Variants in GUCY1A2 observed in about 807,000 individuals in gnomAD.
GUCY1A2 encodes the protein guanylate cyclase soluble subunit alpha-2.
A neutral mutation model predicts 63.5 loss-of-function variants in GUCY1A2; 27 were observed. The observed-to-expected ratio is 0.43, with a 90% CI of 0.31 to 0.59. The LOEUF (loss-of-function observed/expected upper bound fraction) is 0.59, where lower values mean the gene tolerates loss of function less well. Among genes scored for constraint, GUCY1A2 ranks in the 20% least tolerant of loss-of-function variants. GUCY1A2 has a pLI of 0.11. For missense variants in GUCY1A2, 768 were observed against 913.3 expected, an observed-to-expected ratio of 0.84 and a Z score of 2.05; for synonymous variants, 364 against 343.5, an observed-to-expected ratio of 1.06 and a Z score of -0.66.
At chr11:106,738,850 G>T (rs1863637531) in intron 6 of GUCY1A2, among the ~76,000 whole-genome samples, 1 of 152,034 alleles carries the variant, frequency 6.6e-6, no homozygotes, top group South Asian at 2.1e-4. Context: ...AGTTCTTTTT[G>T]CTTGGGATTG....
At chr11:106,970,819 G>A (rs986483797) in intron 3 of GUCY1A2, among the ~76,000 whole-genome samples, 3 of 151,654 alleles carry the variant, frequency 2.0e-5, no homozygotes, top group Non-Finnish European at 4.4e-5. Context: ...AAGGAACCAA[G>A]GTATCCTTCA....
Position 106,706,571 on chromosome 11 carries a change from A to G in GUCY1A2, c.1991+1941T>C, listed in dbSNP as rs556726828. ...TTTTTTTTTTTTTTAATACATCACT[A>G]TGTAAACAAAGCCAGCTACTGTTAT... is the stretch of plus-strand genomic sequence containing the variant. On this transcript the variant is annotated intron_variant, in intron 7 of 7. Coordinates refer to ENST00000526355, the MANE Select transcript of GUCY1A2 (RefSeq NM_000855.3). 6.6e-5 allele frequency among the ~76,000 whole-genome samples: 10 copies of G among 150,858 alleles called. No individual in the cohort carries two copies. In the South Asian group the frequency reaches 1.3e-3, roughly 19 times the overall value.
At chr11:106,824,214 A>C (rs1858937979) in intron 4 of GUCY1A2, 1 of 1,202,924 alleles carries the variant, frequency 8.3e-7, no homozygotes, top group Admixed American at 3.7e-5. Flanking sequence ...AGTTTTATAT[A>C]TTTTAAAAAG....
chr11:106,825,417 A>T (rs914214802), intron 4 of GUCY1A2, among the ~76,000 whole-genome samples: 3 of 151,242 alleles, frequency 2.0e-5, no homozygotes, highest in South Asian at 2.1e-4. Context: ...TGGGCCTCAC[A>T]TAAAATATGC....
chr11:106,885,954 C>G (rs927084421), intron 4 of GUCY1A2, among the ~76,000 whole-genome samples: 3 of 152,074 alleles, frequency 2.0e-5, no homozygotes, highest in Non-Finnish European at 2.9e-5. Flanking sequence ...CCTACACATA[C>G]AGAGAGAGAC....
At chr11:106,816,167 T>TA (rs60263721) in intron 4 of GUCY1A2, among the ~76,000 whole-genome samples, 8,432 of 91,880 alleles carry the variant, frequency 0.092, 351 homozygotes, top group Middle Eastern at 0.16. Context: ...ACTCTTTCTT[T>TA]AAAAAAAAAA....
intron 5 of GUCY1A2, among the ~76,000 whole-genome samples, chr11:106,796,225 GAAT>G (rs1286476670): frequency 1.3e-4 from 20 of 152,138 alleles, no homozygotes; most frequent in Non-Finnish European, 2.9e-5. Flanking sequence ...TGGGTCTCCT[GAAT>G]ACAGCACACT....
chr11:106,914,414 T>C (rs949326984), intron 4 of GUCY1A2, among the ~76,000 whole-genome samples: 1 of 152,144 alleles, frequency 6.6e-6, no homozygotes, highest in African/African-American at 2.4e-5. Context: ...CAAATGGTGA[T>C]AACAGCCAAG....
At position 106,939,756 on chromosome 11, in the gene GUCY1A2, T is replaced by A; in HGVS notation, c.910A>T (p.Asn304Tyr). Residue 304 changes from asparagine (N) to tyrosine (Y), a missense_variant, in exon 4 of 8, where the codon AAC (asparagine) becomes TAC (tyrosine). Coordinates refer to ENST00000526355, the MANE Select transcript of GUCY1A2 (RefSeq NM_000855.3). The stretch of plus-strand genomic sequence containing the variant: ...ACTTGGGAGGTTCCCTGTGGAAGGT[T>A]CTTCATGATATTAGTATTTTCACAT... ...KECENTNIMK[N>Y]LPQGTSQVPA... 6.2e-7 allele frequency: 1 copy of A among 1,614,084 alleles called. No individual in the cohort carries two copies. The highest frequency in any genetic ancestry group is 8.5e-7 in the Non-Finnish European group (1 of 1,179,940).
At chr11:106,973,082 G>C (rs1861216610) in intron 3 of GUCY1A2, among the ~76,000 whole-genome samples, 2 of 152,190 alleles carry the variant, frequency 1.3e-5, no homozygotes, top group African/African-American at 4.8e-5. Context: ...TATGTAAGCA[G>C]AGAGCAGAAT....
At chr11:106,762,972 A>G (rs988184472) in intron 6 of GUCY1A2, among the ~76,000 whole-genome samples, 1 of 152,108 alleles carries the variant, frequency 6.6e-6, no homozygotes. Flanking sequence ...CTGTGAACCA[A>G]ATATATAAGT....
chr11:106,817,995 T>G (rs945428924), intron 4 of GUCY1A2, among the ~76,000 whole-genome samples: 1 of 152,134 alleles, frequency 6.6e-6, no homozygotes, highest in African/African-American at 2.4e-5. Flanking sequence ...CTACTGAGTA[T>G]ATATTTAAAA....
rs977412062 is a variant in GUCY1A2, at chr11:106,710,024, A to G, written c.1837-1358T>C. Among the ~76,000 whole-genome samples, 10 of 86,344 alleles carry G rather than the reference A, an allele frequency of 1.2e-4. No homozygotes were observed. In the East Asian group the frequency reaches 1.9e-3, roughly 16 times the overall value. 56.6% of individuals were successfully genotyped at this position (86,344 alleles called of 152,430 possible). A position where few individuals can be genotyped will look rare whatever the true frequency, so the allele number is the denominator to read the frequency against. On this transcript the variant is annotated intron_variant, in intron 6 of 7. Coordinates refer to ENST00000526355, the MANE Select transcript of GUCY1A2 (RefSeq NM_000855.3). ...TATATATAATAGTTATATATATTAT[A>G]TACATGTATAAAGTATATAGTTATA... is the stretch of plus-strand genomic sequence containing the variant.
chr11:106,931,915 T>C (rs1240122564), intron 4 of GUCY1A2, among the ~76,000 whole-genome samples: 1 of 152,126 alleles, frequency 6.6e-6, no homozygotes, highest in African/African-American at 2.4e-5. Context: ...TGCACTATTA[T>C]ATTCATTTAC....
intron 3 of GUCY1A2, among the ~76,000 whole-genome samples, chr11:106,941,023 C>T (rs1860745793): frequency 1.3e-5 from 2 of 152,022 alleles, no homozygotes; most frequent in African/African-American, 2.4e-5. Context: ...AAACAAAAGG[C>T]TTACATTAGC....
intron 4 of GUCY1A2, chr11:106,826,653 A>C: frequency 6.2e-7 from 1 of 1,608,282 alleles, no homozygotes; most frequent in Non-Finnish European, 8.5e-7. Flanking sequence ...TATAGTTAAA[A>C]AATTTTGTCA....
chr11:106,937,978 C>A (rs534298182), intron 4 of GUCY1A2, among the ~76,000 whole-genome samples: 1 of 152,226 alleles, frequency 6.6e-6, no homozygotes, highest in South Asian at 2.1e-4. Context: ...ACTCTTGTCA[C>A]CCAGGCTGGA....
At chr11:106,719,108 T>C (rs917045502) in intron 6 of GUCY1A2, among the ~76,000 whole-genome samples, 4 of 152,156 alleles carry the variant, frequency 2.6e-5, no homozygotes, top group Admixed American at 2.0e-4. Flanking sequence ...CTACCTTGTA[T>C]TAATATCCTT....
intron 4 of GUCY1A2, among the ~76,000 whole-genome samples, chr11:106,868,709 G>T (rs143480810): frequency 0.014 from 2,135 of 152,092 alleles, 55 homozygotes; most frequent in African/African-American, 0.048. Context: ...TCAATGCCAT[G>T]CCCATCAAGC....
Sources: allele counts gnomAD v4.1 joint callset (sites outside exome capture counted in the v4.1 genomes callset), GRCh38; gene constraint gnomAD v4.1.1; transcripts MANE v1.5; gene names NCBI Gene and HGNC (gene_info 2026-07-23, HGNC 2026-07-21).